ADGRL3: variants seen among roughly 807,000 people sequenced by gnomAD.
ADGRL3 encodes the protein adhesion G protein-coupled receptor L3.
In ADGRL3, 62 loss-of-function variants were observed where a neutral mutation model predicts 153.5. That is an observed-to-expected ratio of 0.40 (90% CI 0.33 to 0.50). The LOEUF is 0.50. ADGRL3 is among the 20% of genes least tolerant of loss of function. The probability of loss-of-function intolerance (pLI) is 0.47; values close to 1 mark genes in which losing one functional copy is unlikely to be tolerated. For missense variants in ADGRL3, 1,641 were observed against 1,859.4 expected (o/e 0.88, Z 2.16); for synonymous variants, 710 against 672.5 (o/e 1.06, Z -0.86).
intron 1 of ADGRL3, among the ~76,000 whole-genome samples, chr4:61,221,162 T>G (rs568349610): frequency 6.6e-6 from 1 of 152,202 alleles, no homozygotes; most frequent in African/African-American, 2.4e-5. Flanking sequence ...CTGAATATAA[T>G]AGTTTTATAA....
chr4:61,638,321 A>T (rs1434973189), intron 5 of ADGRL3, among the ~76,000 whole-genome samples: 1 of 152,184 alleles, frequency 6.6e-6, no homozygotes, highest in African/African-American at 2.4e-5. Flanking sequence ...TCTTGATCAT[A>T]GAAATCAGAT....
At chr4:61,727,919 CTGAG>C (rs1193227587) in intron 6 of ADGRL3, among the ~76,000 whole-genome samples, 1 of 152,012 alleles carries the variant, frequency 6.6e-6, no homozygotes, top group Non-Finnish European at 1.5e-5. Context: ...GAGCTATTCA[CTGAG>C]TATTTATTAT....
At chr4:61,316,597 G>C (rs919174994) in intron 1 of ADGRL3, among the ~76,000 whole-genome samples, 1 of 152,136 alleles carries the variant, frequency 6.6e-6, no homozygotes, top group Non-Finnish European at 1.5e-5. Context: ...TGTATGCATG[G>C]GTAATGGACT....
intron 6 of ADGRL3, among the ~76,000 whole-genome samples, chr4:61,697,485 G>A (rs1258441386): frequency 2.0e-5 from 3 of 151,748 alleles, no homozygotes; most frequent in African/African-American, 7.3e-5. Context: ...CTTGGACCTA[G>A]GAGGCAGAGG....
chr4:61,726,352 C>T (rs4611958), intron 6 of ADGRL3, among the ~76,000 whole-genome samples: 66,055 of 151,226 alleles, frequency 0.44, 14,665 homozygotes, highest in Admixed American at 0.54. Context: ...TCATGCATCA[C>T]CCCACCCAGC....
At chr4:61,889,832 C>T (rs189233039) in intron 9 of ADGRL3, among the ~76,000 whole-genome samples, 12 of 152,188 alleles carry the variant, frequency 7.9e-5, no homozygotes, top group Non-Finnish European at 1.3e-4. Flanking sequence ...TCTTGCACTA[C>T]GTGTGTAACT....
At chr4:62,014,615 A>G (rs1560507781) in intron 21 of ADGRL3, among the ~76,000 whole-genome samples, 1 of 152,178 alleles carries the variant, frequency 6.6e-6, no homozygotes, top group Admixed American at 6.6e-5. Flanking sequence ...TGAGAACACT[A>G]CTTCTGCTTT....
At chr4:61,694,046 G>A (rs954925510) in intron 6 of ADGRL3, among the ~76,000 whole-genome samples, 1 of 151,998 alleles carries the variant, frequency 6.6e-6, no homozygotes, top group Non-Finnish European at 1.5e-5. Context: ...TACATATACA[G>A]AGTGTAATTC....
intron 1 of ADGRL3, among the ~76,000 whole-genome samples, chr4:61,308,273 G>A (rs1459533659): frequency 6.6e-6 from 1 of 152,160 alleles, no homozygotes; most frequent in Non-Finnish European, 1.5e-5. Context: ...ACACCAGGAG[G>A]AGGGAGGGAA....
chr4:61,297,260 A>G (rs1383640794), intron 1 of ADGRL3, among the ~76,000 whole-genome samples: 7 of 152,168 alleles, frequency 4.6e-5, no homozygotes, highest in Admixed American at 4.6e-4. Flanking sequence ...TAGATCCCAG[A>G]AATGTTTTTT....
chr4:61,723,628 A>G (rs78039053), intron 6 of ADGRL3, among the ~76,000 whole-genome samples: 4,806 of 152,154 alleles, frequency 0.032, 236 homozygotes, highest in African/African-American at 0.11. Flanking sequence ...GTACAGATGC[A>G]GGTCGCCATG....
rs896407370 is a variant in ADGRL3 at position 61,905,072 on chromosome 4, A to G, written c.1888-4488A>G. ...TCTACAAACATATTATTATAAGAGT[A>G]TAACAGGTGAAAAATTATAACCTGC... is the stretch of plus-strand genomic sequence containing the variant. On this transcript the variant is annotated intron_variant, in intron 11 of 26. Coordinates refer to ENST00000683033, the MANE Select transcript of ADGRL3 (RefSeq NM_001387552.1). Among the ~76,000 whole-genome samples, 4 of 152,232 alleles carry G rather than the reference A, an allele frequency of 2.6e-5. No homozygotes were observed. In the East Asian group the frequency reaches 5.8e-4, roughly 22 times the overall value.
At chr4:62,029,888 C>T (rs1018645624) in intron 22 of ADGRL3, among the ~76,000 whole-genome samples, 4 of 151,188 alleles carry the variant, frequency 2.6e-5, no homozygotes, top group South Asian at 2.1e-4. Flanking sequence ...CTTTTTCCAA[C>T]GTCCATAAGA....
intron 1 of ADGRL3, among the ~76,000 whole-genome samples, chr4:61,237,635 C>T (rs1753332686): frequency 6.6e-6 from 1 of 152,084 alleles, no homozygotes; most frequent in African/African-American, 2.4e-5. Flanking sequence ...TTTGAAAAAG[C>T]AAAAAATTAG....
intron 5 of ADGRL3, among the ~76,000 whole-genome samples, chr4:61,594,389 A>C (rs185470626): frequency 1.6e-4 from 24 of 152,190 alleles, no homozygotes; most frequent in African/African-American, 5.5e-4. Flanking sequence ...TTGGTAATTA[A>C]AGAGGTAGAT....
In ADGRL3 at chr4:61,609,348, A is replaced by C. The variant is rs559815872; in HGVS notation, c.473+21908A>C. Among the ~76,000 whole-genome samples, 58 of 152,266 alleles carry C rather than the reference A, an allele frequency of 3.8e-4. 1 individual carries two copies. In the South Asian group the frequency reaches 0.012, roughly 32 times the overall value. On this transcript the variant is annotated intron_variant, in intron 5 of 26. Coordinates refer to ENST00000683033, the MANE Select transcript of ADGRL3 (RefSeq NM_001387552.1). ...CAAATACACAATTAATAAGCAAGGTATAATATGCTGTATGTACTATTTTGG... is the reference window on the plus strand; with the variant it reads ...CAAATACACAATTAATAAGCAAGGTCTAATATGCTGTATGTACTATTTTGG...
intron 1 of ADGRL3, among the ~76,000 whole-genome samples, chr4:61,205,063 AT>A (rs751622604): frequency 3.3e-5 from 5 of 152,106 alleles, no homozygotes; most frequent in African/African-American, 9.7e-5. Flanking sequence ...GGAAAGGCAG[AT>A]TTTTTTTATG....
chr4:61,424,726 A>G (rs766764773), intron 2 of ADGRL3, among the ~76,000 whole-genome samples: 1 of 152,080 alleles, frequency 6.6e-6, no homozygotes, highest in Non-Finnish European at 1.5e-5. Flanking sequence ...GGTTTGATCA[A>G]CCTCATTGGT....
chr4:61,496,993 A>G, intron 2 of ADGRL3, 128 bp from the exon 3 acceptor site: 1 of 307,746 alleles, frequency 3.2e-6, no homozygotes, highest in Non-Finnish European at 5.9e-6. Flanking sequence ...GTAGAGACTG[A>G]ATTGTTTATT....
Sources: allele counts gnomAD v4.1 joint callset (sites outside exome capture counted in the v4.1 genomes callset), GRCh38; gene constraint gnomAD v4.1.1; transcripts MANE v1.5; gene names NCBI Gene and HGNC (gene_info 2026-07-23, HGNC 2026-07-21).